Variants in ADGRB3 observed in about 807,000 individuals in gnomAD.
ADGRB3 encodes the protein brain-specific angiogenesis inhibitor 3.
ADGRB3 carries 37 observed loss-of-function variants against 193.4 expected under a neutral mutation model. The observed-to-expected ratio is 0.19, with a 90% CI of 0.15 to 0.25. The LOEUF is 0.25. Among genes scored for constraint, ADGRB3 ranks in the 10% least tolerant of loss-of-function variants. ADGRB3 has a pLI of 1.00. For synonymous variants in ADGRB3, 690 were observed against 644.2 expected (o/e 1.07, Z -1.08); for missense variants, 1,637 against 1,852.9 (o/e 0.88, Z 2.14).
At chr6:69,167,039 C>T (rs1000432001) in intron 17 of ADGRB3, among the ~76,000 whole-genome samples, 12 of 152,064 alleles carry the variant, frequency 7.9e-5, no homozygotes, top group Non-Finnish European at 1.6e-4. Flanking sequence ...CTTTGTTCTG[C>T]TGTATGTTTA....
At chr6:68,970,602 G>C (rs1402322557) in intron 8 of ADGRB3, among the ~76,000 whole-genome samples, 1 of 152,170 alleles carries the variant, frequency 6.6e-6, no homozygotes, top group Non-Finnish European at 1.5e-5. Flanking sequence ...CACTGTGCCT[G>C]TCCCAGACTG....
intron 17 of ADGRB3, among the ~76,000 whole-genome samples, chr6:69,120,804 CAT>C (rs1773658636): frequency 6.6e-6 from 1 of 152,052 alleles, no homozygotes; most frequent in Non-Finnish European, 1.5e-5. Flanking sequence ...AGCTTTAAAA[CAT>C]AGGTAATAAA....
At chr6:69,130,009 G>A (rs894116732) in intron 17 of ADGRB3, among the ~76,000 whole-genome samples, 1 of 151,942 alleles carries the variant, frequency 6.6e-6, no homozygotes, top group African/African-American at 2.4e-5. Flanking sequence ...GTCCATTCAG[G>A]TTGCTATAAC....
chr6:69,248,984 T>C (rs1766555576), intron 20 of ADGRB3, among the ~76,000 whole-genome samples: 1 of 152,192 alleles, frequency 6.6e-6, no homozygotes, highest in Non-Finnish European at 1.5e-5. Flanking sequence ...TCTTCTTCTT[T>C]TTCTTTTTTT....
intron 17 of ADGRB3, among the ~76,000 whole-genome samples, chr6:69,087,766 T>C (rs867132930): frequency 1.3e-5 from 2 of 152,222 alleles, no homozygotes; most frequent in Non-Finnish European, 2.9e-5. Flanking sequence ...AACTGGCATG[T>C]ATTGCAGCTA....
intron 17 of ADGRB3, among the ~76,000 whole-genome samples, chr6:69,115,953 G>A (rs1191560133): frequency 1.3e-5 from 2 of 152,162 alleles, no homozygotes; most frequent in African/African-American, 4.8e-5. Context: ...GCATTTTAAG[G>A]AATTGGTTTG....
chr6:68,673,709 T>A (rs1324952752), intron 3 of ADGRB3, among the ~76,000 whole-genome samples: 4 of 152,156 alleles, frequency 2.6e-5, no homozygotes, highest in Non-Finnish European at 5.9e-5. Context: ...CCTGGCTTTT[T>A]TTTCAGGGCT....
chr6:69,341,917 A>T (rs919055820), intron 26 of ADGRB3, among the ~76,000 whole-genome samples: 4 of 152,176 alleles, frequency 2.6e-5, no homozygotes, highest in African/African-American at 9.7e-5. Context: ...GCGTCACTAT[A>T]TAAGCTTCTC....
At chr6:69,316,944 A>G (rs1445085791) in intron 20 of ADGRB3, among the ~76,000 whole-genome samples, 1 of 151,526 alleles carries the variant, frequency 6.6e-6, no homozygotes, top group Admixed American at 6.6e-5. Flanking sequence ...TAAGATAACT[A>G]AAGGAAGAGA....
intron 17 of ADGRB3, among the ~76,000 whole-genome samples, chr6:69,228,932 G>A (rs1386326256): frequency 1.3e-5 from 2 of 152,158 alleles, no homozygotes; most frequent in African/African-American, 2.4e-5. Flanking sequence ...AAGATCAGTG[G>A]TTCTCAACCC....
chr6:69,205,980 G>C (rs1229352213), intron 17 of ADGRB3, among the ~76,000 whole-genome samples: 1 of 145,106 alleles, frequency 6.9e-6, no homozygotes, highest in African/African-American at 2.5e-5. Flanking sequence ...GTATTAGTCA[G>C]GGTTCTCTAG....
chr6:69,137,090 T>G (rs577798706), intron 17 of ADGRB3, among the ~76,000 whole-genome samples: 1 of 150,672 alleles, frequency 6.6e-6, no homozygotes, highest in African/African-American at 2.4e-5. Context: ...GGTAAGATCT[T>G]TTTGAGCCTC....
chr6:69,359,346 A>G (rs921257005), intron 28 of ADGRB3, among the ~76,000 whole-genome samples: 2 of 151,612 alleles, frequency 1.3e-5, no homozygotes, highest in Admixed American at 6.6e-5. Flanking sequence ...GATCTATTAT[A>G]TTAAGACTTT....
At chr6:69,068,261 A>G (rs1266253228) in intron 16 of ADGRB3, among the ~76,000 whole-genome samples, 1 of 152,178 alleles carries the variant, frequency 6.6e-6, no homozygotes, top group East Asian at 1.9e-4. Flanking sequence ...GTCAAAACGC[A>G]TATGTGTGTT....
intron 17 of ADGRB3, among the ~76,000 whole-genome samples, chr6:69,085,649 A>T (rs1235516600): frequency 6.6e-6 from 1 of 150,982 alleles, no homozygotes; most frequent in Non-Finnish European, 1.5e-5. Flanking sequence ...TCCTTTTCTT[A>T]TTTTAAACCC....
intron 20 of ADGRB3, among the ~76,000 whole-genome samples, chr6:69,300,392 T>C (rs1436770328): frequency 1.3e-5 from 2 of 151,790 alleles, no homozygotes; most frequent in Non-Finnish European, 2.9e-5. Context: ...AAGCATTTCC[T>C]CTAAGATCAT....
intron 28 of ADGRB3, among the ~76,000 whole-genome samples, chr6:69,358,707 T>TTTTG (rs1396518383): frequency 6.6e-6 from 1 of 151,896 alleles, no homozygotes; most frequent in Non-Finnish European, 1.5e-5. Flanking sequence ...TTGCTTTATA[T>TTTTG]TTTGTTTGAA....
chr6:68,807,268 C>T (rs1213651896), intron 3 of ADGRB3, among the ~76,000 whole-genome samples: 1 of 113,610 alleles, frequency 8.8e-6, no homozygotes, highest in African/African-American at 3.4e-5. Context: ...GACAGAGTCT[C>T]GCTATCGCCC....
chr6:69,275,000 AGAG>A (rs1767271033), intron 20 of ADGRB3, among the ~76,000 whole-genome samples: 1 of 152,146 alleles, frequency 6.6e-6, no homozygotes, highest in African/African-American at 2.4e-5. Flanking sequence ...CTCTTGGTTT[AGAG>A]GAGAATTGTT....
Sources: gnomAD v4.1 joint callset for allele counts (sites outside exome capture counted in the v4.1 genomes callset) on GRCh38, gnomAD v4.1.1 for gene constraint, MANE v1.5 for transcripts, NCBI Gene and HGNC (gene_info 2026-07-23, HGNC 2026-07-21) for gene names.